CNTNAP4: variants seen among roughly 807,000 people sequenced by gnomAD.
The protein encoded by CNTNAP4 is contactin associated protein family member 4.
Under a neutral mutation model 148.4 loss-of-function variants are expected in CNTNAP4, and 98 were observed. The observed-to-expected ratio is 0.66, with a 90% CI of 0.56 to 0.78. The LOEUF is 0.78. CNTNAP4 is among the 30% of genes least tolerant of loss of function. The pLI, the probability that CNTNAP4 is intolerant of heterozygous loss-of-function variation, is 0.00. For missense variants in CNTNAP4, 1,935 were observed against 1,565.6 expected (o/e 1.24, Z -3.98); for synonymous variants, 730 against 565.1 (o/e 1.29, Z -4.14).
chr16:76,482,431 A>AT (rs373576749), intron 12 of CNTNAP4, among the ~76,000 whole-genome samples: 5 of 129,656 alleles, frequency 3.9e-5, no homozygotes, highest in Non-Finnish European at 3.3e-5. Context: ...TGTTTTACAC[A>AT]ATTTTTTTTT....
intron 3 of CNTNAP4, among the ~76,000 whole-genome samples, chr16:76,416,453 A>C (rs565483378): frequency 6.6e-6 from 1 of 151,478 alleles, no homozygotes; most frequent in East Asian, 1.9e-4. Flanking sequence ...TTTTGATGTT[A>C]TATTTTCATT....
At chr16:76,302,047 C>T (rs143578840) in intron 1 of CNTNAP4, among the ~76,000 whole-genome samples, 2 of 152,072 alleles carry the variant, frequency 1.3e-5, no homozygotes, top group African/African-American at 4.8e-5. Context: ...CAGCAGCTGG[C>T]CCAAGTTTCT....
intron 1 of CNTNAP4, among the ~76,000 whole-genome samples, chr16:76,308,453 G>C (rs1960733272): frequency 6.6e-6 from 1 of 152,160 alleles, no homozygotes; most frequent in Non-Finnish European, 1.5e-5. Context: ...ATCAGAATGT[G>C]ACAGTGCAGC....
At chr16:76,513,144 A>G (rs1000823221) in intron 15 of CNTNAP4, among the ~76,000 whole-genome samples, 5 of 152,186 alleles carry the variant, frequency 3.3e-5, no homozygotes, top group East Asian at 1.9e-4. Context: ...AAATCCCTGC[A>G]TTGTGGACGG....
chr16:76,444,399 G>A (rs1290912083), intron 4 of CNTNAP4, among the ~76,000 whole-genome samples: 4 of 130,070 alleles, frequency 3.1e-5, no homozygotes, highest in African/African-American at 1.2e-4. Flanking sequence ...TTGAGAAGAT[G>A]TGAAGTTATT....
intron 3 of CNTNAP4, among the ~76,000 whole-genome samples, chr16:76,395,704 A>G (rs1323817186): frequency 1.3e-5 from 2 of 151,826 alleles, no homozygotes; most frequent in Non-Finnish European, 2.9e-5. Context: ...AGTCACCAGC[A>G]TCACTGTGTC....
At chr16:76,479,673 A>G (rs1270825678) in intron 12 of CNTNAP4, 135 bp downstream of exon 12, 1 of 838,616 alleles carries the variant, frequency 1.2e-6, no homozygotes, top group African/African-American at 1.8e-5. Flanking sequence ...AGAAAAACTG[A>G]ACATAAATCT....
chr16:76,318,088 A>T (rs1961997697), intron 2 of CNTNAP4, among the ~76,000 whole-genome samples: 1 of 152,136 alleles, frequency 6.6e-6, no homozygotes, highest in African/African-American at 2.4e-5. Flanking sequence ...AGCCTCTCTG[A>T]TGGCCATTCC....
chr16:76,370,291 A>G (rs1347898418), intron 3 of CNTNAP4, among the ~76,000 whole-genome samples: 3 of 150,454 alleles, frequency 2.0e-5, no homozygotes, highest in Admixed American at 6.6e-5. Flanking sequence ...TTCTGACAGA[A>G]AAAAAAAAAT....
chr16:76,336,296 G>C (rs1006329336), intron 2 of CNTNAP4, among the ~76,000 whole-genome samples: 1 of 152,196 alleles, frequency 6.6e-6, no homozygotes, highest in African/African-American at 2.4e-5. Context: ...TTATCTCAGA[G>C]ATATGTACAG....
chr16:76,331,503 GT>G (rs113105251), intron 2 of CNTNAP4, among the ~76,000 whole-genome samples: 4,436 of 143,660 alleles, frequency 0.031, 204 homozygotes, highest in African/African-American at 0.1. Context: ...TTTCTTTCAA[GT>G]TTTTTTTTTT....
At position 76,464,123 on chromosome 16, in the gene CNTNAP4, T is replaced by A. The variant is rs144489154; in HGVS notation, c.1483+2018T>A. On this transcript the variant is annotated intron_variant, in intron 9 of 23. Transcript: ENST00000611870. ...GAAGACCTGCTGCCAAACTCTGCCC[T>A]GCACTTCCCAGCCTTGTACTTCCAG... Among the ~76,000 whole-genome samples, 238 of 152,268 alleles carry A rather than the reference T, an allele frequency of 1.6e-3. 9 individuals are homozygous for A. The East Asian group carries it at 0.039, about 25-fold the overall frequency.
At chr16:76,554,303 A>G (rs1272858049) in intron 23 of CNTNAP4, among the ~76,000 whole-genome samples, 1 of 152,208 alleles carries the variant, frequency 6.6e-6, no homozygotes, top group African/African-American at 2.4e-5. Context: ...TGCAAAAAGT[A>G]GGAAAAACCT....
At chr16:76,541,484 T>C (rs573059938) in intron 21 of CNTNAP4, among the ~76,000 whole-genome samples, 2 of 152,356 alleles carry the variant, frequency 1.3e-5, no homozygotes, top group Admixed American at 6.5e-5. Context: ...ATTAAGAGTA[T>C]TGGAATTTCA....
At chr16:76,370,307 G>A (rs1000010038) in intron 3 of CNTNAP4, among the ~76,000 whole-genome samples, 1 of 151,886 alleles carries the variant, frequency 6.6e-6, no homozygotes, top group East Asian at 1.9e-4. Flanking sequence ...AAAATCCTTA[G>A]TTCTGGTTCT....
At position 76,494,958 on chromosome 16, in the gene CNTNAP4, C is replaced by T; in HGVS notation, c.2129C>T (p.Thr710Ile). 1 of 1,613,592 alleles carries T rather than the reference C, an allele frequency of 6.2e-7. No individual in the cohort carries two copies. The highest frequency in any genetic ancestry group is 8.5e-7 in the Non-Finnish European group (1 of 1,179,624). The change falls in exon 14 of 24, where the codon ACC (threonine) becomes ATC (isoleucine). Residue 710 changes from threonine (T) to isoleucine (I), a missense_variant. Thr to Ile is a moderately conservative substitution (Grantham distance 89). Coordinates refer to ENST00000611870, the MANE Select transcript of CNTNAP4 (RefSeq NM_033401.5). ...WWVGRTNETQ[T>I]YWGGSSPDLQ... ...GTAGGAAGAACCAATGAAACGCAAACCTACTGGGGAGGTTCTTCGCCTGAT... is the reference window on the plus strand; with the variant it reads ...GTAGGAAGAACCAATGAAACGCAAATCTACTGGGGAGGTTCTTCGCCTGAT...
intron 2 of CNTNAP4, among the ~76,000 whole-genome samples, chr16:76,338,924 C>T (rs1964241312): frequency 6.6e-6 from 1 of 152,124 alleles, no homozygotes; most frequent in Non-Finnish European, 1.5e-5. Context: ...TTATAGCCAG[C>T]AGATCCAGAG....
Position 76,305,996 on chromosome 16 carries a change from T to C in CNTNAP4, c.86-10417T>C, listed in dbSNP as rs577337099. Among the ~76,000 whole-genome samples the C allele has an allele frequency of 3.3e-5, 5 of 152,346 alleles. No homozygotes were observed. In the East Asian group the frequency reaches 7.7e-4, roughly 23 times the overall value. ...TGCTGTGAAGGAGATGATTTTATTC[T>C]AGTTTTTGGCTGCATAATATTCCAT... On this transcript the variant is annotated intron_variant, in intron 1 of 23. Coordinates refer to ENST00000611870, the MANE Select transcript of CNTNAP4 (RefSeq NM_033401.5).
At chr16:76,511,722 C>G (rs2083032610) in intron 15 of CNTNAP4, among the ~76,000 whole-genome samples, 1 of 152,028 alleles carries the variant, frequency 6.6e-6, no homozygotes, top group Admixed American at 6.6e-5. Flanking sequence ...TCTTCCTCCT[C>G]TTCTCTTGTC....
Sources: gnomAD v4.1 joint callset for allele counts (sites outside exome capture counted in the v4.1 genomes callset) on GRCh38, gnomAD v4.1.1 for gene constraint, MANE v1.5 for transcripts, NCBI Gene and HGNC (gene_info 2026-07-23, HGNC 2026-07-21) for gene names.